Variants in SANBR observed in about 807,000 individuals in gnomAD.
SANBR encodes the protein SANT and BTB domain regulator of class switch recombination.
A neutral mutation model predicts 101.8 loss-of-function variants in SANBR; 77 were observed. The ratio of observed to expected loss-of-function variants is 0.76; its 90% confidence interval spans 0.63 to 0.91. The LOEUF (loss-of-function observed/expected upper bound fraction) is 0.91, where lower values mean the gene tolerates loss of function less well. SANBR is among the 40% of genes least tolerant of loss of function. SANBR has a pLI of 0.00. For missense variants in SANBR, 875 were observed against 853.0 expected (o/e 1.03, Z -0.32); for synonymous variants, 279 against 274.7 (o/e 1.02, Z -0.15).
At chr2:61,082,851 A>G (rs1336881325) in intron 7 of SANBR, among the ~76,000 whole-genome samples, 1 of 152,168 alleles carries the variant, frequency 6.6e-6, no homozygotes, top group Non-Finnish European at 1.5e-5. Flanking sequence ...TGTTCTGTAT[A>G]CTTGAGTTTA....
intron 9 of SANBR, 51 bp downstream of exon 9, chr2:61,088,296 C>A: frequency 1.3e-6 from 2 of 1,562,702 alleles, no homozygotes; most frequent in South Asian, 1.2e-5. Flanking sequence ...CAGCTATATT[C>A]TTTAATTTAC....
At chr2:61,136,018 A>T (rs1049623993) in intron 21 of SANBR, among the ~76,000 whole-genome samples, 4 of 152,226 alleles carry the variant, frequency 2.6e-5, no homozygotes, top group Non-Finnish European at 5.9e-5. Context: ...GTCTAAAAAA[A>T]TCAAGGTTGG....
rs377152608 is a variant in SANBR at position 61,097,423 on chromosome 2, T to A, written c.1213-277T>A. On this transcript the variant is annotated intron_variant, in intron 11 of 21. Transcript: ENST00000402291. ...TACTCTTTTTAAGTCTGCAATTCAC[T>A]TTTTTTTTGGTAAATTTAGAGTTGT... 2.7e-3 allele frequency among the ~76,000 whole-genome samples: 410 copies of A among 151,174 alleles called. 1 individual carries two copies. Among genetic ancestry groups the A allele is most frequent in the African/African-American group, 9.7e-3 (398 of 41,234 alleles).
rs1187205128 is a variant in SANBR, at chr2:61,103,861, A to G, written c.1374A>G (p.Lys458=). The change falls in exon 13 of 22, where the codon AAA becomes AAG. Residue 458 remains lysine, a synonymous_variant. Transcript: ENST00000402291. ...FDPTQLTKGC[K]VRDHMVTLRD... ...TGTCTCTTATGTGACAGGGCTGTAA[A>G]GTGAGGGACCACATGGTTACACTTC... The G allele has an allele frequency of 6.2e-7, 1 of 1,614,166 alleles. No homozygotes were observed. Among genetic ancestry groups the G allele is most frequent in the South Asian group, 1.1e-5 (1 of 91,066 alleles).
At chr2:61,119,771 G>A (rs551710626) in intron 20 of SANBR, among the ~76,000 whole-genome samples, 1 of 151,970 alleles carries the variant, frequency 6.6e-6, no homozygotes, top group East Asian at 1.9e-4. Flanking sequence ...CAGCCTGGGC[G>A]ACATGATGAA....
downstream of SANBR, among the ~76,000 whole-genome samples, chr2:61,128,525 T>G (rs1272547996): frequency 1.3e-5 from 2 of 151,494 alleles, no homozygotes; most frequent in Non-Finnish European, 2.9e-5. Flanking sequence ...GGAGTTTTGC[T>G]CTTCTTGCCC....
chr2:61,102,169 C>G (rs376152108), intron 12 of SANBR, among the ~76,000 whole-genome samples: 1 of 151,580 alleles, frequency 6.6e-6, no homozygotes, highest in Non-Finnish European at 1.5e-5. Context: ...GTCAAGAGAT[C>G]GAGACCACCC....
At chr2:61,090,391 C>G (rs1164367466) in intron 10 of SANBR, 1 of 151,942 alleles carries the variant, frequency 6.6e-6, no homozygotes, top group Non-Finnish European at 1.5e-5. Flanking sequence ...GTAATTGATA[C>G]TAACTTCAAC....
chr2:61,122,503 T>C lies in SANBR; in HGVS notation c.*341T>C. 9.7e-7 allele frequency: 1 copy of C among 1,028,462 alleles called. No homozygotes were observed. Among genetic ancestry groups the C allele is most frequent in the African/African-American group, 1.7e-5 (1 of 58,868 alleles). The allele number at this position is 1,028,462 out of a possible 1,614,324, so 63.7% of individuals were successfully genotyped here. A position where few individuals can be genotyped will look rare whatever the true frequency, so the allele number is the denominator to read the frequency against. ...CAGGTAGCCAAGTTTTTTTAAGACC[T>C]TAAAAGTTAGGGGAACACAACTGGT... On this transcript the variant is annotated 3_prime_UTR_variant, in exon 22 of 22. Coordinates refer to ENST00000402291, the MANE Select transcript of SANBR (RefSeq NM_001129993.3).
intron 16 of SANBR, among the ~76,000 whole-genome samples, chr2:61,113,339 G>T (rs1463948072): frequency 1.3e-5 from 2 of 152,150 alleles, no homozygotes; most frequent in African/African-American, 4.8e-5. Context: ...AAATTTTAGA[G>T]TCTGTGTGGA....
At position 61,121,704 on chromosome 2, in the gene SANBR, G is replaced by A. The variant is rs567581084; in HGVS notation, c.2121-422G>A. On this transcript the variant is annotated intron_variant, in intron 21 of 21. Transcript: ENST00000402291. ...TGTCATTTTACATCACAAATTTTCT[G>A]TTAGAGATTAACAGTTACTGAGATT... 21 of 173,194 alleles carry A rather than the reference G, an allele frequency of 1.2e-4. No individual in the cohort carries two copies. In the South Asian group the frequency reaches 3.3e-3, roughly 28 times the overall value. The allele number at this position is 173,194 out of a possible 1,614,324, so 10.7% of individuals were successfully genotyped here.
intron 10 of SANBR, chr2:61,090,384 A>G (rs1682676265): frequency 6.6e-6 from 1 of 152,178 alleles, no homozygotes; most frequent in Non-Finnish European, 1.5e-5. Context: ...GAAAAAAGTA[A>G]TTGATACTAA....
At chr2:61,091,360 G>C (rs1400933745) in intron 10 of SANBR, among the ~76,000 whole-genome samples, 1 of 152,048 alleles carries the variant, frequency 6.6e-6, no homozygotes, top group Admixed American at 6.6e-5. Context: ...GGGAGACTGA[G>C]GCGGGTGGAT....
chr2:61,098,008 C>T (rs575720944), intron 12 of SANBR, among the ~76,000 whole-genome samples, 156 bp downstream of exon 12: 1 of 151,612 alleles, frequency 6.6e-6, no homozygotes, highest in African/African-American at 2.4e-5. Flanking sequence ...GAGATAATCA[C>T]TGTTAATGGT....
At chr2:61,067,229 T>A (rs1681223488) in intron 1 of SANBR, among the ~76,000 whole-genome samples, 2 of 152,248 alleles carry the variant, frequency 1.3e-5, no homozygotes, top group South Asian at 4.1e-4. Context: ...CAGAAAAACT[T>A]TTTTCTCATT....
At chr2:61,117,883 C>T (rs1420747609) in intron 19 of SANBR, 145 bp from the exon 20 acceptor site, 11 of 669,492 alleles carry the variant, frequency 1.6e-5, no homozygotes, top group Non-Finnish European at 2.3e-5. Context: ...AACTTAAATT[C>T]TTCACAGATA....
chr2:61,075,133 G>A (rs1681699645), intron 5 of SANBR: 1 of 152,148 alleles, frequency 6.6e-6, no homozygotes, highest in Non-Finnish European at 1.5e-5. Context: ...TCAGGAATGT[G>A]TGAATTAAAC....
intron 8 of SANBR, among the ~76,000 whole-genome samples, 169 bp downstream of exon 8, chr2:61,083,483 A>G (rs1165432516): frequency 6.6e-6 from 1 of 150,856 alleles, no homozygotes; most frequent in Non-Finnish European, 1.5e-5. Context: ...TGCAGCCTCA[A>G]CCTCCTGAGC....
At chr2:61,113,682 T>G (rs1683942000) in intron 16 of SANBR, among the ~76,000 whole-genome samples, 1 of 152,264 alleles carries the variant, frequency 6.6e-6, no homozygotes, top group African/African-American at 2.4e-5. Flanking sequence ...GTGACCTTGC[T>G]AAATTCAGTT....
Sources: gnomAD v4.1 joint callset for allele counts (sites outside exome capture counted in the v4.1 genomes callset) on GRCh38, gnomAD v4.1.1 for gene constraint, MANE v1.5 for transcripts, NCBI Gene and HGNC (gene_info 2026-07-23, HGNC 2026-07-21) for gene names.